The following RALA variants were observed in gnomAD, a reference collection of about 807,000 sequenced individuals.
The protein encoded by RALA is ras-related protein Ral-A.
In RALA, 5 loss-of-function variants were observed where a neutral mutation model predicts 24.0. The ratio of observed to expected loss-of-function variants is 0.21; its 90% CI spans 0.11 to 0.44. The LOEUF (loss-of-function observed/expected upper bound fraction) is 0.44, where lower values mean the gene tolerates loss of function less well. Ranked by LOEUF, RALA falls within the 20% of genes least tolerant of loss-of-function variation. The pLI is 0.99. For missense variants in RALA, 95 were observed against 241.2 expected (o/e 0.39, Z 4.01); for synonymous variants, 77 against 83.8 (o/e 0.92, Z 0.44).
intron 1 of RALA, among the ~76,000 whole-genome samples, chr7:39,628,731 A>G (rs1345297796): frequency 2.0e-5 from 3 of 151,802 alleles, no homozygotes; most frequent in African/African-American, 7.3e-5. Context: ...AATTTTTTGT[A>G]TTTTTAGTAG....
At chr7:39,660,689 AT>A (rs1482267157) in intron 1 of RALA, among the ~76,000 whole-genome samples, 1 of 152,146 alleles carries the variant, frequency 6.6e-6, no homozygotes, top group Non-Finnish European at 1.5e-5. Flanking sequence ...ACTTACGCAG[AT>A]TTTTTCAATA....
chr7:39,656,377 T>C (rs1792097598), intron 1 of RALA, among the ~76,000 whole-genome samples: 1 of 152,234 alleles, frequency 6.6e-6, no homozygotes, highest in Non-Finnish European at 1.5e-5. Context: ...TAGCATTTTA[T>C]TTGTCTTTCT....
rs557929789 is a variant in RALA at position 39,676,866 on chromosome 7, C to A, written c.-37-9765C>A. On this transcript the variant is annotated intron_variant, in intron 1 of 4. Coordinates refer to ENST00000005257, the MANE Select transcript of RALA (RefSeq NM_005402.4). ...GGTCCGAAGCTCCTTGACCCACTTTCCTGTGTATGGTAAGCAGTAGGCTGA... is the reference window on the plus strand; with the variant it reads ...GGTCCGAAGCTCCTTGACCCACTTTACTGTGTATGGTAAGCAGTAGGCTGA... Among the ~76,000 whole-genome samples the A allele has an allele frequency of 3.9e-5, 6 of 152,250 alleles. No individual in the cohort carries two copies. The South Asian group carries it at 1.2e-3, about 32-fold the overall frequency.
Position 39,699,301 on chromosome 7 carries a change from C to T in RALA, c.498+2442C>T, listed in dbSNP as rs564514746. 4.7e-5 allele frequency among the ~76,000 whole-genome samples: 7 copies of T among 150,052 alleles called. No homozygotes were observed. In the South Asian group the frequency reaches 6.4e-4, roughly 14 times the overall value. ...GACTACAGGCGCCCGCCACCGCGCCCGGCTAATTTTTTGTATTTTTAGTAG... is the reference window on the plus strand; with the variant it reads ...GACTACAGGCGCCCGCCACCGCGCCTGGCTAATTTTTTGTATTTTTAGTAG... On this transcript the variant is annotated intron_variant, in intron 4 of 4. Coordinates refer to ENST00000005257, the MANE Select transcript of RALA (RefSeq NM_005402.4).
chr7:39,684,461 A>G (rs1048082606), intron 1 of RALA, among the ~76,000 whole-genome samples: 1 of 152,108 alleles, frequency 6.6e-6, no homozygotes, highest in Admixed American at 6.6e-5. Context: ...AAGCAGGCAT[A>G]TGGGAATGAT....
chr7:39,650,550 T>C (rs1792002376), intron 1 of RALA, among the ~76,000 whole-genome samples: 1 of 151,966 alleles, frequency 6.6e-6, no homozygotes, highest in African/African-American at 2.4e-5. Context: ...CTGGTTTTGG[T>C]CAAACCACAT....
At chr7:39,649,673 C>A (rs769606897) in intron 1 of RALA, among the ~76,000 whole-genome samples, 2 of 152,172 alleles carry the variant, frequency 1.3e-5, no homozygotes, top group Non-Finnish European at 2.9e-5. Flanking sequence ...AAATAAATTT[C>A]TGTTCTTTAT....
chr7:39,648,226 G>C (rs1454468881), intron 1 of RALA, among the ~76,000 whole-genome samples: 3 of 152,182 alleles, frequency 2.0e-5, no homozygotes, highest in Non-Finnish European at 4.4e-5. Context: ...TCAGAGGTTT[G>C]TAGTGGCAGA....
At chr7:39,682,265 A>G (rs983600282) in intron 1 of RALA, among the ~76,000 whole-genome samples, 2 of 152,198 alleles carry the variant, frequency 1.3e-5, no homozygotes, top group Admixed American at 6.5e-5. Flanking sequence ...TGTCCTCAGT[A>G]TAGGTGGTAT....
At chr7:39,697,635 C>T (rs934224695) in intron 4 of RALA, 6 of 306,578 alleles carry the variant, frequency 2.0e-5, no homozygotes, top group South Asian at 5.9e-5. Flanking sequence ...GATAAACACA[C>T]ATTCTTGGGT....
chr7:39,681,302 C>CTTTTTTTTTTT lies in RALA; in HGVS notation c.-37-5306_-37-5296dup, dbSNP rs70996832. Among the ~76,000 whole-genome samples, 123 of 50,048 alleles carry CTTTTTTTTTTT rather than the reference C, an allele frequency of 2.5e-3. 23 individuals are homozygous for CTTTTTTTTTTT. The highest frequency in any genetic ancestry group is 3.5e-3 in the Non-Finnish European group (97 of 28,088). 32.8% of individuals were successfully genotyped at this position (50,048 alleles called of 152,430 possible). On this transcript the variant is annotated intron_variant, in intron 1 of 4. Coordinates refer to ENST00000005257, the MANE Select transcript of RALA (RefSeq NM_005402.4). ...TCCTCAACCCAAACCCACCCTATTCCTTTTTTTTTTTTTTTTTTTTTTTTT... is the reference window on the plus strand; with the variant it reads ...TCCTCAACCCAAACCCACCCTATTCCTTTTTTTTTTTTTTTTTTTTTTTTTTTTTTTTTTTT...
intron 1 of RALA, among the ~76,000 whole-genome samples, chr7:39,685,266 G>T (rs555256967): frequency 6.6e-6 from 1 of 152,222 alleles, no homozygotes; most frequent in South Asian, 2.1e-4. Context: ...GCCAGACAGA[G>T]GAAGCTGCAT....
intron 1 of RALA, among the ~76,000 whole-genome samples, chr7:39,636,315 T>C (rs1791683292): frequency 6.6e-6 from 1 of 152,178 alleles, no homozygotes; most frequent in Admixed American, 6.5e-5. Context: ...CCATTTTACA[T>C]CCCCACTGGA....
intron 4 of RALA, chr7:39,703,096 A>G (rs115178707): frequency 6.6e-6 from 1 of 152,220 alleles, no homozygotes; most frequent in Non-Finnish European, 1.5e-5. Context: ...ATCACTGTGT[A>G]CTCTGTGAAT....
In RALA at chr7:39,632,131, G is replaced by A. The variant is rs561122992; in HGVS notation, c.-38+8306G>A. Among the ~76,000 whole-genome samples, 13 of 152,238 alleles carry A rather than the reference G, an allele frequency of 8.5e-5. No individual in the cohort carries two copies. The East Asian group carries it at 2.5e-3, about 29-fold the overall frequency. ...ATTCGTGAGGAATCTGCCCTATGAC[G>A]GAAACATCCCCCGACTAGGCCCGCC... On this transcript the variant is annotated intron_variant, in intron 1 of 4. Transcript: ENST00000005257.
At chr7:39,632,941 G>A (rs1032790217) in intron 1 of RALA, among the ~76,000 whole-genome samples, 1 of 152,204 alleles carries the variant, frequency 6.6e-6, no homozygotes, top group African/African-American at 2.4e-5. Context: ...ACTGCTCCAT[G>A]GTTTCTCAGT....
chr7:39,656,483 GAAAA>G lies in RALA; in HGVS notation c.-37-30144_-37-30141del, dbSNP rs569210422. Among the ~76,000 whole-genome samples, 136 of 152,060 alleles carry G rather than the reference GAAAA, an allele frequency of 8.9e-4. 1 individual carries two copies. The highest frequency in any genetic ancestry group is 3.1e-3 in the African/African-American group (130 of 41,510). On this transcript the variant is annotated intron_variant, in intron 1 of 4. Transcript: ENST00000005257. ...TGATAGGAACAAGAACCCAGGAAAG[GAAAA>G]AAAGGTAATTTATGAGCTGCAGCCA...
chr7:39,702,352 A>T (rs1419482563), intron 4 of RALA, among the ~76,000 whole-genome samples: 4 of 152,148 alleles, frequency 2.6e-5, no homozygotes, highest in African/African-American at 7.2e-5. Flanking sequence ...TTCCTGTATT[A>T]ATAGGATTTG....
intron 1 of RALA, among the ~76,000 whole-genome samples, chr7:39,651,531 T>C (rs1252803326): frequency 5.3e-5 from 8 of 152,202 alleles, no homozygotes; most frequent in Non-Finnish European, 1.5e-5. Context: ...TTTGATTATA[T>C]TGGAGCCTAA....
Sources: allele counts gnomAD v4.1 joint callset (sites outside exome capture counted in the v4.1 genomes callset), GRCh38; gene constraint gnomAD v4.1.1; transcripts MANE v1.5; gene names NCBI Gene and HGNC (gene_info 2026-07-23, HGNC 2026-07-21).